Variants in SVIL observed in about 807,000 individuals in gnomAD.
The protein encoded by SVIL is supervillin, also known as archvillin.
Under a neutral mutation model 240.4 loss-of-function variants are expected in SVIL, and 101 were observed. That is an observed-to-expected ratio of 0.42 (90% CI 0.36 to 0.50). SVIL has a LOEUF of 0.50. Among genes scored for constraint, SVIL ranks in the 20% least tolerant of loss-of-function variants. The pLI, the probability that SVIL is intolerant of heterozygous loss-of-function variation, is 0.01. For synonymous variants in SVIL, 999 were observed against 1,100.0 expected (o/e 0.91, Z 1.82); for missense variants, 2,512 against 2,818.7 (o/e 0.89, Z 2.46).
chr10:29,559,974 A>G (rs1954302669), intron 3 of SVIL, among the ~76,000 whole-genome samples: 1 of 152,224 alleles, frequency 6.6e-6, no homozygotes, highest in African/African-American at 2.4e-5. Context: ...TCTAAGAAAC[A>G]GAAGGTTTCT....
rs3031442 is a variant in SVIL at position 29,552,562 on chromosome 10, C to CAA, written c.161-1301_161-1300dup. Among the ~76,000 whole-genome samples, 575 of 82,372 alleles carry CAA rather than the reference C, an allele frequency of 7.0e-3. 22 individuals are homozygous for CAA. In the South Asian group the frequency reaches 0.14, roughly 20 times the overall value. The allele number at this position is 82,372 out of a possible 152,430, so 54.0% of individuals were successfully genotyped here. Reference sequence around the variant, plus strand: ...TGGGCAACAAAGTGAGACTCTGTCTCAAAAAAAAAAAAAAAAAAAATTCCC... The same window carrying CAA: ...TGGGCAACAAAGTGAGACTCTGTCTCAAAAAAAAAAAAAAAAAAAAAATTCCC... On this transcript the variant is annotated intron_variant, in intron 5 of 37. Coordinates refer to ENST00000355867, the MANE Select transcript of SVIL (RefSeq NM_021738.3).
intron 1 of SVIL, among the ~76,000 whole-genome samples, chr10:29,628,423 TA>T (rs1343692361): frequency 1.3e-5 from 2 of 152,244 alleles, no homozygotes; most frequent in Non-Finnish European, 2.9e-5. Context: ...TGTGAGATCT[TA>T]AAAACCTAAA....
chr10:29,569,718 A>G (rs1226775699), intron 1 of SVIL, among the ~76,000 whole-genome samples: 2 of 152,230 alleles, frequency 1.3e-5, no homozygotes, highest in African/African-American at 2.4e-5. Flanking sequence ...CCAGGCAACT[A>G]GAAATGTTTG....
At chr10:29,622,840 G>A (rs570914811) in intron 1 of SVIL, among the ~76,000 whole-genome samples, 7 of 152,278 alleles carry the variant, frequency 4.6e-5, no homozygotes, top group Admixed American at 2.6e-4. Context: ...CATGCAAACC[G>A]CTCCCTAAGC....
chr10:29,515,055 C>G (rs1950119893), intron 16 of SVIL, among the ~76,000 whole-genome samples: 3 of 152,118 alleles, frequency 2.0e-5, no homozygotes, highest in Non-Finnish European at 4.4e-5. Flanking sequence ...TGGACCTGTC[C>G]CCTTCCTCAA....
intron 16 of SVIL, among the ~76,000 whole-genome samples, chr10:29,517,320 G>C (rs1243904560): frequency 6.6e-6 from 1 of 152,272 alleles, no homozygotes; most frequent in East Asian, 1.9e-4. Flanking sequence ...CAGCTACTTG[G>C]GAGGCTGAAG....
At chr10:29,635,867 C>T (rs946741841), upstream of SVIL, among the ~76,000 whole-genome samples, 4 of 152,174 alleles carry the variant, frequency 2.6e-5, no homozygotes, top group Admixed American at 6.5e-5. Flanking sequence ...GTGTGCTGCG[C>T]GGGGCCTCCC....
intron 5 of SVIL, among the ~76,000 whole-genome samples, chr10:29,554,242 T>C (rs961135535): frequency 6.6e-6 from 1 of 151,694 alleles, no homozygotes; most frequent in African/African-American, 2.4e-5. Context: ...CCTTGGGAGG[T>C]TGAGGCTTCA....
At chr10:29,729,453 GTGT>G (rs1564368900) in intron 1 of SVIL, among the ~76,000 whole-genome samples, 250 of 20,116 alleles carry the variant, frequency 0.012, 2 homozygotes, top group Middle Eastern at 0.071. Flanking sequence ...TTATGGAGGT[GTGT>G]GTGTGTGTGT....
At chr10:29,696,925 AGCCCCTCTGCCCAGCCAGAC>A (rs1279876278) in intron 1 of SVIL, among the ~76,000 whole-genome samples, 1 of 134,154 alleles carries the variant, frequency 7.5e-6, no homozygotes, top group Non-Finnish European at 1.6e-5. Context: ...CCCAGCCAGG[AGCCCCTCTGCCCAGCCAGAC>A]GCCCCGTCCG....
At chr10:29,513,632 A>T (rs1306831691) in intron 16 of SVIL, among the ~76,000 whole-genome samples, 3 of 152,198 alleles carry the variant, frequency 2.0e-5, no homozygotes, top group African/African-American at 7.2e-5. Context: ...GATGTTTATG[A>T]CTGTTTCTCC....
At chr10:29,713,481 G>GCCATGTTCATTTCAGCATTC (rs1963427990) in intron 1 of SVIL, among the ~76,000 whole-genome samples, 1 of 152,102 alleles carries the variant, frequency 6.6e-6, no homozygotes, top group African/African-American at 2.4e-5. Flanking sequence ...GATTTTTTCA[G>GCCATGTTCATTTCAGCATTC]CCATGTTCAT....
intron 8 of SVIL, 97 bp from the exon 9 acceptor site, chr10:29,532,269 A>G (rs768924539): frequency 2.3e-5 from 32 of 1,417,516 alleles, no homozygotes; most frequent in Non-Finnish European, 2.8e-5. Flanking sequence ...GTCAAGGGAC[A>G]GACACCACCA....
In SVIL at chr10:29,577,608, A is replaced by G. The variant is rs1320705406; in HGVS notation, c.-200-8296T>C. ...GTCTGTGGGCACTTAGGTTGGTTCC[A>G]TGTCTTTGCAATTGTGAATTGTGCT... On this transcript the variant is annotated intron_variant, in intron 1 of 37. Coordinates refer to ENST00000355867, the MANE Select transcript of SVIL (RefSeq NM_021738.3). 2.0e-5 allele frequency among the ~76,000 whole-genome samples: 3 copies of G among 152,234 alleles called. No homozygotes were observed. In the East Asian group the frequency reaches 5.8e-4, roughly 29 times the overall value.
At chr10:29,665,666 C>T (rs1004843680) in intron 2 of SVIL, among the ~76,000 whole-genome samples, 35 of 151,926 alleles carry the variant, frequency 2.3e-4, no homozygotes, top group Non-Finnish European at 4.4e-4. Flanking sequence ...TGGTGGCGGA[C>T]GCCTGTAGTC....
At chr10:29,599,606 G>A (rs1169892462) in intron 1 of SVIL, among the ~76,000 whole-genome samples, 6 of 151,918 alleles carry the variant, frequency 3.9e-5, no homozygotes, top group African/African-American at 1.2e-4. Flanking sequence ...TAGTAGAGAC[G>A]GGGTTTCGCC....
chr10:29,509,330 GGAGA>G lies in SVIL; in HGVS notation c.3516+3401_3516+3404del, dbSNP rs66616602. Among the ~76,000 whole-genome samples the G allele has an allele frequency of 7.1e-3, 473 of 66,868 alleles. 10 individuals are homozygous for G. The highest frequency in any genetic ancestry group is 0.014 in the African/African-American group (279 of 20,548). 43.9% of individuals were successfully genotyped at this position (66,868 alleles called of 152,430 possible). On this transcript the variant is annotated intron_variant, in intron 17 of 37. Transcript: ENST00000355867. Reference sequence around the variant, plus strand: ...GAGAGAAAGGGAGAAGGAGGGGGAGGGAGAGAGAGAGAGAGAGAGAGAGAGAGAG... The same window carrying G: ...GAGAGAAAGGGAGAAGGAGGGGGAGGGAGAGAGAGAGAGAGAGAGAGAGAG...
At chr10:29,568,162 C>T (rs71489682) in intron 2 of SVIL, among the ~76,000 whole-genome samples, 12,765 of 152,028 alleles carry the variant, frequency 0.084, 608 homozygotes, top group Admixed American at 0.13. Context: ...ACTGATGACC[C>T]TGGATCATCA....
intron 2 of SVIL, among the ~76,000 whole-genome samples, chr10:29,667,672 C>A (rs935558076): frequency 6.6e-6 from 1 of 151,914 alleles, no homozygotes; most frequent in African/African-American, 2.4e-5. Flanking sequence ...GGAAACATAG[C>A]AAGACCATGT....
Sources: allele counts gnomAD v4.1 joint callset (sites outside exome capture counted in the v4.1 genomes callset), GRCh38; gene constraint gnomAD v4.1.1; transcripts MANE v1.5; gene names NCBI Gene and HGNC (gene_info 2026-07-23, HGNC 2026-07-21).